The following PPP2R2B variants were observed in gnomAD, a reference collection of about 807,000 sequenced individuals.
PPP2R2B encodes the protein protein phosphatase 2 regulatory subunit Bbeta, also known as serine/threonine-protein phosphatase 2A 55 kDa regulatory subunit B beta isoform.
PPP2R2B carries 5 observed loss-of-function variants against 46.0 expected under a neutral mutation model. The ratio of observed to expected loss-of-function variants is 0.11; its 90% CI spans 0.06 to 0.23. The LOEUF (loss-of-function observed/expected upper bound fraction) is 0.23, where lower values mean the gene tolerates loss of function less well. PPP2R2B is among the 10% of genes least tolerant of loss of function. PPP2R2B has a pLI of 1.00. For synonymous variants in PPP2R2B, 215 were observed against 206.7 expected (o/e 1.04, Z -0.34); for missense variants, 367 against 575.0 (o/e 0.64, Z 3.70).
At chr5:147,004,456 A>G (rs1300121807) in intron 1 of PPP2R2B, among the ~76,000 whole-genome samples, 2 of 152,168 alleles carry the variant, frequency 1.3e-5, no homozygotes, top group African/African-American at 2.4e-5. Flanking sequence ...GGCCTTCTCA[A>G]TGTTAATCTC....
At chr5:146,590,618 C>A (rs1160571842) in intron 9 of PPP2R2B, among the ~76,000 whole-genome samples, 2 of 152,194 alleles carry the variant, frequency 1.3e-5, no homozygotes, top group East Asian at 3.9e-4. Context: ...AGTAGACACA[C>A]TTTTGAAAAC....
At chr5:146,706,982 C>T in intron 2 of PPP2R2B, 1 of 985,742 alleles carries the variant, frequency 1.0e-6, no homozygotes. Context: ...AGGCAAGACT[C>T]CAGCTCTACC....
intron 2 of PPP2R2B, among the ~76,000 whole-genome samples, chr5:146,782,876 A>G (rs1414818567): frequency 6.6e-6 from 1 of 152,090 alleles, no homozygotes; most frequent in Non-Finnish European, 1.5e-5. Flanking sequence ...AGGGGGAAGG[A>G]AGGGAGGCAG....
At chr5:147,012,618 C>A (rs1015598035) in intron 1 of PPP2R2B, among the ~76,000 whole-genome samples, 6 of 151,910 alleles carry the variant, frequency 3.9e-5, no homozygotes, top group Non-Finnish European at 8.8e-5. Context: ...TTGCCTTCTG[C>A]TAGCTTTTGA....
At chr5:146,998,101 C>T (rs545165422) in intron 1 of PPP2R2B, among the ~76,000 whole-genome samples, 11 of 152,186 alleles carry the variant, frequency 7.2e-5, no homozygotes, top group Non-Finnish European at 1.3e-4. Context: ...CTTTAAGTCC[C>T]TCTTCACTTT....
intron 2 of PPP2R2B, among the ~76,000 whole-genome samples, chr5:146,705,984 A>G (rs550392173): frequency 6.6e-6 from 1 of 151,950 alleles, no homozygotes; most frequent in East Asian, 1.9e-4. Flanking sequence ...GGACAGAAAA[A>G]CAAAACAAAA....
chr5:146,791,214 C>T (rs1178225082), intron 2 of PPP2R2B, among the ~76,000 whole-genome samples: 3 of 152,144 alleles, frequency 2.0e-5, no homozygotes, highest in Non-Finnish European at 2.9e-5. Context: ...AACTGTCACA[C>T]CATATCTTAC....
rs776821651 is a variant in PPP2R2B at position 146,589,372 on chromosome 5, C to CCTCTT, written c.*570_*574dup. On this transcript the variant is annotated 3_prime_UTR_variant, in exon 10 of 10. Coordinates refer to ENST00000394411, the MANE Select transcript of PPP2R2B (RefSeq NM_181675.4). ...GTGCCCTTTCCTTGTCATTCTGCAT[C>CCTCTT]CTCTTCTCAGCTTCATGCAATAAAT... 1 of 153,054 alleles carries CCTCTT rather than the reference C, an allele frequency of 6.5e-6. No homozygotes were observed. The highest frequency in any genetic ancestry group is 1.5e-5 in the Non-Finnish European group (1 of 68,554). 9.5% of individuals were successfully genotyped at this position (153,054 alleles called of 1,614,324 possible).
At chr5:147,002,749 C>T (rs865851376) in intron 1 of PPP2R2B, among the ~76,000 whole-genome samples, 8 of 148,496 alleles carry the variant, frequency 5.4e-5, no homozygotes, top group South Asian at 2.1e-4. Context: ...TGCGGGTTCT[C>T]GGGCAAGAGA....
chr5:146,686,718 T>G (rs148045378), intron 5 of PPP2R2B, among the ~76,000 whole-genome samples: 3 of 152,222 alleles, frequency 2.0e-5, no homozygotes, highest in East Asian at 1.9e-4. Flanking sequence ...CTGGCCTAGG[T>G]TCCCAGGGCA....
intron 2 of PPP2R2B, 31 bp downstream of exon 2, chr5:146,877,971 C>A: frequency 6.2e-7 from 1 of 1,605,590 alleles, no homozygotes; most frequent in South Asian, 1.1e-5. Flanking sequence ...CGCCCGGCCC[C>A]AACGGCGGAA....
chr5:146,592,902 T>C, intron 9 of PPP2R2B, 69 bp downstream of exon 9: 1 of 1,469,930 alleles, frequency 6.8e-7, no homozygotes, highest in Non-Finnish European at 9.5e-7. Context: ...GTACTCTACT[T>C]AGGATAAATT....
chr5:146,809,775 A>G (rs771086894), intron 2 of PPP2R2B, among the ~76,000 whole-genome samples: 10 of 152,188 alleles, frequency 6.6e-5, no homozygotes, highest in Non-Finnish European at 1.5e-4. Flanking sequence ...TGTTTTTAGA[A>G]GATCACTCTA....
At chr5:146,653,984 C>T (rs985051359) in intron 5 of PPP2R2B, among the ~76,000 whole-genome samples, 3 of 152,140 alleles carry the variant, frequency 2.0e-5, no homozygotes, top group African/African-American at 7.2e-5. Context: ...ACACGATGGA[C>T]CGATTAGGAA....
intron 7 of PPP2R2B, among the ~76,000 whole-genome samples, chr5:146,628,728 C>A (rs1372898805): frequency 2.0e-5 from 3 of 152,216 alleles, no homozygotes; most frequent in Admixed American, 2.0e-4. Context: ...TACTGGGAAC[C>A]TACTATGTGT....
intron 2 of PPP2R2B, among the ~76,000 whole-genome samples, chr5:146,774,829 A>G (rs936258648): frequency 1.3e-5 from 2 of 151,898 alleles, no homozygotes; most frequent in South Asian, 4.1e-4. Context: ...AAAAAAAAAA[A>G]AAAGAAAAGA....
At chr5:146,980,028 T>G (rs1487253911) in intron 1 of PPP2R2B, among the ~76,000 whole-genome samples, 15 of 152,190 alleles carry the variant, frequency 9.9e-5, no homozygotes, top group Admixed American at 9.8e-4. Flanking sequence ...CTTCGAGATA[T>G]CCACAAAATT....
rs1337579644 is a variant in PPP2R2B, at chr5:146,701,135, A to G, written c.78T>C (p.Ile26=). The change falls in exon 3 of 10, where the codon ATT becomes ATC. Residue 26 remains isoleucine, a synonymous_variant. Coordinates refer to ENST00000394411, the MANE Select transcript of PPP2R2B (RefSeq NM_181675.4). ...RDHSYATEAD[I]ISTVEFNHTG... is the part of the protein sequence containing the mutation. ...TGTGGTTGAATTCTACCGTAGAGAT[A>G]ATGTCAGCTGCAAAGAAGAAGACAA... is the stretch of plus-strand genomic sequence containing the variant. The G allele has an allele frequency of 1.2e-6, 2 of 1,613,060 alleles. No homozygotes were observed. Among genetic ancestry groups the G allele is most frequent in the African/African-American group, 1.3e-5 (1 of 74,900 alleles).
intron 5 of PPP2R2B, among the ~76,000 whole-genome samples, chr5:146,668,487 C>T (rs1777143925): frequency 6.6e-6 from 1 of 152,158 alleles, no homozygotes; most frequent in South Asian, 2.1e-4. Flanking sequence ...CAATCACATT[C>T]TTTTTAAAAA....
Sources: allele counts gnomAD v4.1 joint callset (sites outside exome capture counted in the v4.1 genomes callset), GRCh38; gene constraint gnomAD v4.1.1; transcripts MANE v1.5; gene names NCBI Gene and HGNC (gene_info 2026-07-23, HGNC 2026-07-21).